USP21: variants seen among roughly 807,000 people sequenced by gnomAD.
The protein encoded by USP21 is ubiquitin carboxyl-terminal hydrolase 21.
A neutral mutation model predicts 70.8 loss-of-function variants in USP21; 37 were observed. That is an observed-to-expected ratio of 0.52 (90% confidence interval 0.40 to 0.69). The LOEUF (loss-of-function observed/expected upper bound fraction) is 0.69, where lower values mean the gene tolerates loss of function less well. USP21 is among the 30% of genes least tolerant of loss of function. The probability of loss-of-function intolerance (pLI) is 0.00; values close to 1 mark genes in which losing one functional copy is unlikely to be tolerated. For synonymous variants in USP21, 263 were observed against 283.1 expected, an observed-to-expected ratio of 0.93 and a Z score of 0.71; for missense variants, 584 against 740.8, an observed-to-expected ratio of 0.79 and a Z score of 2.46.
chr1:161,164,364 GT>G lies in USP21; in HGVS notation c.1305+117del. ...TGGGGAATAATATTTATGTATCTGG[GT>G]TTGTGTTGGAGTCTCAGATCTGTTC... On this transcript the variant is annotated intron_variant, in intron 10 of 13. Transcript: ENST00000368002. This position sits in a 1 kb window ranked among gnomAD's most constrained non-coding sequence, Gnocchi z 4.2. 7.4e-7 allele frequency: 1 copy of G among 1,342,812 alleles called. No individual in the cohort carries two copies. The highest frequency in any genetic ancestry group is 1.1e-6 in the Non-Finnish European group (1 of 944,888). The allele number at this position is 1,342,812 out of a possible 1,614,324, so 83.2% of individuals were successfully genotyped here. A position where few individuals can be genotyped will look rare whatever the true frequency, so the allele number is the denominator to read the frequency against.
At position 161,162,678 on chromosome 1, in the gene USP21, G is replaced by A. The variant is rs1279396976; in HGVS notation, c.845G>A (p.Arg282Gln). The change falls in exon 6 of 14, where the codon CGA becomes CAA. Residue 282 changes from arginine to glutamine, a missense_variant. This residue lies in a region of USP21 where 87 missense variants were observed against 162.4 expected (regional missense o/e 0.54). Transcript: ENST00000368002. This position sits in a 1 kb window ranked among gnomAD's most constrained non-coding sequence, Gnocchi z 4.1. The stretch of plus-strand genomic sequence containing the variant: ...TCCTGCGAAGCTGTGAATCCTACTC[G>A]ATTCCGAGCTGTCTTCCAGAAATAT... ...PDSCEAVNPT[R>Q]FRAVFQKYVP... 29 of 1,614,006 alleles carry A rather than the reference G, an allele frequency of 1.8e-5. No homozygotes were observed. The highest frequency in any genetic ancestry group is 2.7e-5 in the African/African-American group (2 of 74,922).
rs775409507 is a variant in USP21 at position 161,160,915 on chromosome 1, G to A, written c.275G>A (p.Gly92Asp). The A allele has an allele frequency of 2.5e-6, 4 of 1,614,194 alleles. No homozygotes were observed. The South Asian group carries it at 3.3e-5, about 13-fold the overall frequency. ...LRADHGVPLPGSPPPTVALPL... is the reference protein window; with the variant it reads ...LRADHGVPLPDSPPPTVALPL... ...GCAGATCATGGGGTTCCCCTGCCTG[G>A]CTCACCACCCCCAACAGTGGCTTTG... The change falls in exon 3 of 14, where the codon GGC becomes GAC. Residue 92 changes from glycine (G) to aspartate (D), a missense_variant. Physicochemically the swap from Gly to Asp is moderately conservative, Grantham distance 94. Around this residue, in one of 4 missense-constraint regions of USP21, gnomAD observed 284 missense variants for 281.0 expected, o/e 1.01. Coordinates refer to ENST00000368002, the MANE Select transcript of USP21 (RefSeq NM_001014443.3).
In USP21 at chr1:161,164,951, G is replaced by T. The variant is rs1658418691; in HGVS notation, c.1492+9G>T. On this transcript the variant is annotated intron_variant, in intron 12 of 13. Transcript: ENST00000368002. The surrounding 1 kb of genome is among the most constrained non-coding windows in gnomAD (Gnocchi z 4.2). Reference sequence around the variant, plus strand: ...TGCCAGTGACAAAGCCGGTGAGTCTGGTGGGGAAAGTCCTAAGGAGCCAAA... The same window carrying T: ...TGCCAGTGACAAAGCCGGTGAGTCTTGTGGGGAAAGTCCTAAGGAGCCAAA... 6.2e-7 allele frequency: 1 copy of T among 1,613,706 alleles called. No individual in the cohort carries two copies. The highest frequency in any genetic ancestry group is 1.3e-5 in the African/African-American group (1 of 74,892).
chr1:161,160,948 C>T lies in USP21; in HGVS notation c.308C>T (p.Pro103Leu). The T allele has an allele frequency of 6.2e-7, 1 of 1,614,248 alleles. No homozygotes were observed. The highest frequency in any genetic ancestry group is 8.5e-7 in the Non-Finnish European group (1 of 1,180,040). ...CCCCCAACAGTGGCTTTGCCTCTCC[C>T]ATCTCGGACCAACTTAGCCCGTTCC... is the stretch of plus-strand genomic sequence containing the variant. ...SPPPTVALPL[P>L]SRTNLARSKS... Residue 103 changes from proline to leucine, a missense_variant, in exon 3 of 14, where the codon CCA (proline) becomes CTA (leucine). Pro to Leu is a moderately conservative substitution (Grantham distance 98). Around this residue, in one of 4 missense-constraint regions of USP21, gnomAD observed 284 missense variants for 281.0 expected, o/e 1.01. Coordinates refer to ENST00000368002, the MANE Select transcript of USP21 (RefSeq NM_001014443.3).
chr1:161,161,206 G>C lies in USP21; in HGVS notation c.566G>C (p.Arg189Pro). Residue 189 changes from arginine to proline, a missense_variant, in exon 3 of 14, where the codon CGG (arginine) becomes CCG (proline). Coordinates refer to ENST00000368002, the MANE Select transcript of USP21 (RefSeq NM_001014443.3). The surrounding 1 kb of genome is among the most constrained non-coding windows in gnomAD (Gnocchi z 4.2). ...GGCTCCTTCCACATGATATCCGCCC[G>C]GTCCTCTGAGCCTTTCTACTCTGAT... ...SHGSFHMISA[R>P]SSEPFYSDDK... The C allele has an allele frequency of 6.2e-6, 10 of 1,610,218 alleles. No homozygotes were observed. Among genetic ancestry groups the C allele is most frequent in the Non-Finnish European group, 8.5e-6 (10 of 1,177,830 alleles).
chr1:161,160,811 T>C lies in USP21; in HGVS notation c.171T>C (p.Gly57=), dbSNP rs773418847. 1 of 1,614,122 alleles carries C rather than the reference T, an allele frequency of 6.2e-7. No homozygotes were observed. Among genetic ancestry groups the C allele is most frequent in the South Asian group, 1.1e-5 (1 of 91,080 alleles). Residue 57 remains glycine (G), a synonymous_variant, in exon 3 of 14, where the codon GGT becomes GGC. Coordinates refer to ENST00000368002, the MANE Select transcript of USP21 (RefSeq NM_001014443.3). ...TACGACCTCTGCCTCCCCGGCCAGG[T>C]CTGCCTGATGAACGGCTCAAGAAAC... is the stretch of plus-strand genomic sequence containing the variant. ...PMLRPLPPRP[G]LPDERLKKLE...
chr1:161,162,168 C>G lies in USP21; in HGVS notation c.660+71C>G, dbSNP rs1390998020. 2 of 1,612,864 alleles carry G rather than the reference C, an allele frequency of 1.2e-6. No homozygotes were observed. Among genetic ancestry groups the G allele is most frequent in the Non-Finnish European group, 1.7e-6 (2 of 1,179,012 alleles). On this transcript the variant is annotated intron_variant, in intron 4 of 13. Coordinates refer to ENST00000368002, the MANE Select transcript of USP21 (RefSeq NM_001014443.3). The surrounding 1 kb of genome is among the most constrained non-coding windows in gnomAD (Gnocchi z 4.1). ...TGGTGCTGGGGGTGGGGAAAACCCA[C>G]GAGCTTGGGGAAGGCATGTGGAAGG...
intron 13 of USP21, 89 bp from the exon 14 acceptor site, chr1:161,165,268 T>A: frequency 6.9e-7 from 1 of 1,443,174 alleles, no homozygotes. Context: ...TGCCTGATCA[T>A]TTCCTGGATG....
In USP21 at chr1:161,160,888, G is replaced by A. The variant is rs373004398; in HGVS notation, c.248G>A (p.Arg83Gln). The change falls in exon 3 of 14, where the codon CGA becomes CAA. Residue 83 changes from arginine (R) to glutamine (Q), a missense_variant. Arg to Gln is a conservative substitution (Grantham distance 43, BLOSUM62 1). Around this residue, in one of 4 missense-constraint regions of USP21, gnomAD observed 284 missense variants for 281.0 expected, o/e 1.01. Transcript: ENST00000368002. ...GGCCCTCGTCCCAGAGGCCCCCTTC[G>A]AGCAGATCATGGGGTTCCCCTGCCT... is the stretch of plus-strand genomic sequence containing the variant. ...TSGPRPRGPL[R>Q]ADHGVPLPGS... is the part of the protein sequence containing the mutation. 71 of 1,614,080 alleles carry A rather than the reference G, an allele frequency of 4.4e-5. No individual in the cohort carries two copies. Among genetic ancestry groups the A allele is most frequent in the Non-Finnish European group, 5.8e-5 (69 of 1,180,046 alleles).
chr1:161,163,141 A>G lies in USP21; in HGVS notation c.1049+67A>G. On this transcript the variant is annotated intron_variant, in intron 7 of 13. Transcript: ENST00000368002. Reference sequence around the variant, plus strand: ...AGCATCATTCACACTTCATAGAACTAAACTAGTAAAGATTGAAGATGTAGG... The same window carrying G: ...AGCATCATTCACACTTCATAGAACTGAACTAGTAAAGATTGAAGATGTAGG... 2.0e-6 allele frequency: 3 copies of G among 1,501,690 alleles called. No individual in the cohort carries two copies. In the East Asian group the frequency reaches 6.8e-5, roughly 34 times the overall value. The allele number at this position is 1,501,690 out of a possible 1,614,324, so 93.0% of individuals were successfully genotyped here.
At chr1:161,159,898 C>T (rs916556784) in intron 1 of USP21, among the ~76,000 whole-genome samples, 3 of 152,172 alleles carry the variant, frequency 2.0e-5, no homozygotes, top group Admixed American at 6.5e-5. Context: ...GGGGCGGACC[C>T]GGCTAAAGCC....
Position 161,161,556 on chromosome 1 carries a change from A to C in USP21, c.600+316A>C, listed in dbSNP as rs1327171881. ...CTCTACTGGGACTCTGCCTAGGCCT[A>C]ATTAATCTCTGGAGCTAAAGAGAGG... On this transcript the variant is annotated intron_variant, in intron 3 of 13. Transcript: ENST00000368002. The surrounding 1 kb of genome is among the most constrained non-coding windows in gnomAD (Gnocchi z 4.2). 1 of 400,360 alleles carries C rather than the reference A, an allele frequency of 2.5e-6. No individual in the cohort carries two copies. Among genetic ancestry groups the C allele is most frequent in the Non-Finnish European group, 4.5e-6 (1 of 221,920 alleles). The allele number at this position is 400,360 out of a possible 1,614,324, so 24.8% of individuals were successfully genotyped here. A position where few individuals can be genotyped will look rare whatever the true frequency, so the allele number is the denominator to read the frequency against.
Position 161,164,308 on chromosome 1 carries a change from T to C in USP21, c.1305+58T>C, listed in dbSNP as rs1658272147. The C allele has an allele frequency of 1.3e-6, 2 of 1,520,966 alleles. No individual in the cohort carries two copies. The highest frequency in any genetic ancestry group is 1.8e-6 in the Non-Finnish European group (2 of 1,095,846). 94.2% of individuals were successfully genotyped at this position (1,520,966 alleles called of 1,614,324 possible). A position where few individuals can be genotyped will look rare whatever the true frequency, so the allele number is the denominator to read the frequency against. On this transcript the variant is annotated intron_variant, in intron 10 of 13. Coordinates refer to ENST00000368002, the MANE Select transcript of USP21 (RefSeq NM_001014443.3). This position sits in a 1 kb window ranked among gnomAD's most constrained non-coding sequence, Gnocchi z 4.2. ...GTGGGAGACCTGGGGGGACTCCATGTGGATAAAAGGGATTGCATGATGTCT... is the reference window on the plus strand; with the variant it reads ...GTGGGAGACCTGGGGGGACTCCATGCGGATAAAAGGGATTGCATGATGTCT...
At chr1:161,165,327 C>T in intron 13 of USP21, 30 bp from the exon 14 acceptor site, 9 of 1,600,840 alleles carry the variant, frequency 5.6e-6, no homozygotes, top group Non-Finnish European at 7.7e-6. Flanking sequence ...GGAATGACCA[C>T]AACCCTTTCC....
Position 161,161,037 on chromosome 1 carries a change from G to A in USP21, c.397G>A (p.Gly133Arg), listed in dbSNP as rs750167338. 4 of 1,614,212 alleles carry A rather than the reference G, an allele frequency of 2.5e-6. No homozygotes were observed. The highest frequency in any genetic ancestry group is 4.5e-5 in the East Asian group (2 of 44,876). ...GIALGGHRGT[G>R]ELGAALSRLA... ...TGCCTTGGGAGGGCACCGTGGCACCGGAGAGCTTGGGGCTGCACTGAGCCG... is the reference window on the plus strand; with the variant it reads ...TGCCTTGGGAGGGCACCGTGGCACCAGAGAGCTTGGGGCTGCACTGAGCCG... Residue 133 changes from glycine to arginine, a missense_variant, in exon 3 of 14, where the codon GGA becomes AGA. Coordinates refer to ENST00000368002, the MANE Select transcript of USP21 (RefSeq NM_001014443.3). This position sits in a 1 kb window ranked among gnomAD's most constrained non-coding sequence, Gnocchi z 4.2.
At position 161,165,665 on chromosome 1, in the gene USP21, G is replaced by A. The variant is rs1225821605; in HGVS notation, c.*218G>A. 4.7e-5 allele frequency: 25 copies of A among 529,064 alleles called. No homozygotes were observed. Among genetic ancestry groups the A allele is most frequent in the Non-Finnish European group, 3.7e-5 (11 of 295,364 alleles). The allele number at this position is 529,064 out of a possible 1,614,324, so 32.8% of individuals were successfully genotyped here. On this transcript the variant is annotated 3_prime_UTR_variant, in exon 14 of 14. Coordinates refer to ENST00000368002, the MANE Select transcript of USP21 (RefSeq NM_001014443.3). ...CAAAGCTCACCAAGCCCCTGCCCAT[G>A]TACAGCCCCCAGACCCTCTGCAATA...
rs1657959825 is a variant in USP21 at position 161,161,958 on chromosome 1, C to T, written c.601-80C>T. 2.2e-6 allele frequency: 3 copies of T among 1,335,176 alleles called. No homozygotes were observed. Among genetic ancestry groups the T allele is most frequent in the East Asian group, 4.6e-5 (2 of 43,536 alleles). 82.7% of individuals were successfully genotyped at this position (1,335,176 alleles called of 1,614,324 possible). On this transcript the variant is annotated intron_variant, in intron 3 of 13. Transcript: ENST00000368002. The surrounding 1 kb of genome is among the most constrained non-coding windows in gnomAD (Gnocchi z 4.2). ...TGAAACATGCATGGGATGGGGGAGG[C>T]AGTGGGCAGCATGCTGTTGAAAGGT...
rs900973504 is a variant in USP21, at chr1:161,162,165, C to A, written c.660+68C>A. The A allele has an allele frequency of 1.2e-6, 2 of 1,613,186 alleles. No individual in the cohort carries two copies. The highest frequency in any genetic ancestry group is 4.5e-5 in the East Asian group (2 of 44,876). On this transcript the variant is annotated intron_variant, in intron 4 of 13. Transcript: ENST00000368002. The surrounding 1 kb of genome is among the most constrained non-coding windows in gnomAD (Gnocchi z 4.1). Reference sequence around the variant, plus strand: ...AAATGGTGCTGGGGGTGGGGAAAACCCACGAGCTTGGGGAAGGCATGTGGA... The same window carrying A: ...AAATGGTGCTGGGGGTGGGGAAAACACACGAGCTTGGGGAAGGCATGTGGA...
In USP21 at chr1:161,163,569, C is replaced by G; in HGVS notation, c.1064C>G (p.Ala355Gly). The change falls in exon 8 of 14, where the codon GCC becomes GGC. Residue 355 changes from alanine to glycine, a missense_variant. Ala to Gly is a moderately conservative substitution (Grantham distance 60, BLOSUM62 0). Transcript: ENST00000368002. ...EEPELSDDDRANLMWKRYLER... is the reference protein window; with the variant it reads ...EEPELSDDDRGNLMWKRYLER... ...ATCTGTGGTAGTGATGATGACCGAGCCAACCTAATGTGGAAACGTTACCTG... is the reference window on the plus strand; with the variant it reads ...ATCTGTGGTAGTGATGATGACCGAGGCAACCTAATGTGGAAACGTTACCTG... The G allele has an allele frequency of 6.2e-7, 1 of 1,613,112 alleles. No individual in the cohort carries two copies. Among genetic ancestry groups the G allele is most frequent in the Non-Finnish European group, 8.5e-7 (1 of 1,179,864 alleles).
Sources: gnomAD v4.1 joint callset for allele counts (sites outside exome capture counted in the v4.1 genomes callset) on GRCh38, gnomAD v4.1.1 for gene constraint, gnomAD v4.1.1 regional missense constraint, Gnocchi (gnomAD v3.1) non-coding constraint, MANE v1.5 for transcripts, NCBI Gene and HGNC (gene_info 2026-07-23, HGNC 2026-07-21) for gene names.